The following RUNDC3B variants were observed in gnomAD, a reference collection of about 807,000 sequenced individuals.
The protein encoded by RUNDC3B is RUN domain containing 3B, also known as RUN domain-containing protein 3B.
RUNDC3B carries 33 observed loss-of-function variants against 58.4 expected under a neutral mutation model. The observed-to-expected ratio is 0.56, with a 90% CI of 0.43 to 0.75. RUNDC3B has a LOEUF of 0.75. RUNDC3B is among the 30% of genes least tolerant of loss of function. RUNDC3B has a pLI of 0.00. For missense variants in RUNDC3B, 501 were observed against 535.7 expected, an observed-to-expected ratio of 0.94 and a Z score of 0.64; for synonymous variants, 193 against 195.2, an observed-to-expected ratio of 0.99 and a Z score of 0.10.
At chr7:87,702,648 A>G (rs1829197251) in intron 3 of RUNDC3B, among the ~76,000 whole-genome samples, 1 of 152,166 alleles carries the variant, frequency 6.6e-6, no homozygotes, top group Non-Finnish European at 1.5e-5. Flanking sequence ...TTTGGTAGAT[A>G]TAGCCTACAT....
At chr7:87,761,126 G>A (rs1229739342) in intron 6 of RUNDC3B, among the ~76,000 whole-genome samples, 1 of 151,700 alleles carries the variant, frequency 6.6e-6, no homozygotes, top group Non-Finnish European at 1.5e-5. Context: ...CTACAACTTG[G>A]CAACACAAAT....
chr7:87,823,929 T>TA (rs1837651392), intron 10 of RUNDC3B, among the ~76,000 whole-genome samples: 1 of 151,950 alleles, frequency 6.6e-6, no homozygotes, highest in South Asian at 2.1e-4. Flanking sequence ...AAACTAATTT[T>TA]AAAAAATCAC....
chr7:87,741,007 C>T (rs895403555), intron 5 of RUNDC3B, among the ~76,000 whole-genome samples: 1 of 152,026 alleles, frequency 6.6e-6, no homozygotes, highest in African/African-American at 2.4e-5. Context: ...GAGTTCAAGA[C>T]CAGCCTGGCC....
At chr7:87,701,526 C>T (rs964153763) in intron 3 of RUNDC3B, among the ~76,000 whole-genome samples, 12 of 152,130 alleles carry the variant, frequency 7.9e-5, no homozygotes, top group African/African-American at 2.2e-4. Flanking sequence ...ATGATCAGTT[C>T]GTGGAATTAC....
intron 4 of RUNDC3B, among the ~76,000 whole-genome samples, chr7:87,738,608 C>T (rs113623968): frequency 1.1e-4 from 17 of 151,798 alleles, no homozygotes; most frequent in Middle Eastern, 3.4e-3. Flanking sequence ...TTTTGTTTTA[C>T]GAAACGTAGA....
At chr7:87,736,452 A>G (rs1420730956) in intron 4 of RUNDC3B, among the ~76,000 whole-genome samples, 3 of 152,122 alleles carry the variant, frequency 2.0e-5, no homozygotes, top group Admixed American at 6.5e-5. Flanking sequence ...GTTAAATTAT[A>G]TGTGGTAAAA....
chr7:87,639,065 T>C (rs1822153216), intron 1 of RUNDC3B, among the ~76,000 whole-genome samples: 1 of 140,976 alleles, frequency 7.1e-6, no homozygotes, highest in Non-Finnish European at 1.5e-5. Flanking sequence ...GGCAGGAGAA[T>C]GGTGTAAACC....
At chr7:87,661,053 T>G (rs1824655432) in intron 2 of RUNDC3B, among the ~76,000 whole-genome samples, 1 of 151,976 alleles carries the variant, frequency 6.6e-6, no homozygotes, top group African/African-American at 2.4e-5. Flanking sequence ...GTTATTTACA[T>G]TTTTTGGCTT....
intron 3 of RUNDC3B, among the ~76,000 whole-genome samples, chr7:87,710,119 A>G (rs1262801604): frequency 2.0e-5 from 3 of 152,144 alleles, no homozygotes; most frequent in Non-Finnish European, 2.9e-5. Flanking sequence ...CTCCCACTGA[A>G]AGGATAGGAT....
At chr7:87,723,858 G>A (rs1370907267) in intron 4 of RUNDC3B, among the ~76,000 whole-genome samples, 8 of 152,098 alleles carry the variant, frequency 5.3e-5, no homozygotes, top group Non-Finnish European at 7.4e-5. Context: ...TTGGAATATA[G>A]GAAAAATGTC....
chr7:87,778,433 ACT>A (rs1448515094), intron 8 of RUNDC3B, among the ~76,000 whole-genome samples: 2 of 146,678 alleles, frequency 1.4e-5, no homozygotes, highest in Non-Finnish European at 3.0e-5. Context: ...ACAGAGCAAA[ACT>A]CTGTCAAAAA....
At chr7:87,710,056 T>G (rs1418372944) in intron 3 of RUNDC3B, among the ~76,000 whole-genome samples, 1 of 152,154 alleles carries the variant, frequency 6.6e-6, no homozygotes, top group Non-Finnish European at 1.5e-5. Context: ...AGCTCATGAT[T>G]TGGATTCATT....
At chr7:87,669,413 C>G (rs1157941914) in intron 2 of RUNDC3B, among the ~76,000 whole-genome samples, 1 of 152,084 alleles carries the variant, frequency 6.6e-6, no homozygotes, top group Non-Finnish European at 1.5e-5. Context: ...ACCATTGGGT[C>G]TTGCTTTTTT....
chr7:87,689,100 G>A (rs1035451630), intron 2 of RUNDC3B, among the ~76,000 whole-genome samples: 1 of 151,886 alleles, frequency 6.6e-6, no homozygotes, highest in East Asian at 1.9e-4. Flanking sequence ...TGGCTTCTGG[G>A]GAAGGGGGAT....
chr7:87,827,082 C>T (rs999488613), intron 10 of RUNDC3B, among the ~76,000 whole-genome samples: 1 of 151,908 alleles, frequency 6.6e-6, no homozygotes, highest in South Asian at 2.1e-4. Flanking sequence ...CAACATATAC[C>T]AAGGAGAGAA....
intron 6 of RUNDC3B, among the ~76,000 whole-genome samples, chr7:87,760,988 C>A (rs1156811544): frequency 1.3e-5 from 2 of 151,762 alleles, no homozygotes; most frequent in African/African-American, 2.4e-5. Flanking sequence ...TGGACTTCAT[C>A]AAAATTTAAA....
At chr7:87,795,788 C>T (rs1835787667) in intron 8 of RUNDC3B, among the ~76,000 whole-genome samples, 1 of 151,560 alleles carries the variant, frequency 6.6e-6, no homozygotes, top group South Asian at 2.1e-4. Flanking sequence ...ACTCGGGAGG[C>T]TGAGGTAGGG....
At chr7:87,715,473 TTAA>T (rs199704465) in intron 4 of RUNDC3B, among the ~76,000 whole-genome samples, 6,051 of 134,142 alleles carry the variant, frequency 0.045, 239 homozygotes, top group East Asian at 0.087. Context: ...TTAATTTATA[TTAA>T]TATATAAATA....
At chr7:87,770,536 T>C (rs761208883) in intron 6 of RUNDC3B, 45 bp from the exon 7 acceptor site, 30 of 1,483,106 alleles carry the variant, frequency 2.0e-5, no homozygotes, top group Non-Finnish European at 2.5e-5. Flanking sequence ...AAGAATCAAG[T>C]TGGAACATAT....
Sources: gnomAD v4.1 joint callset for allele counts (sites outside exome capture counted in the v4.1 genomes callset) on GRCh38, gnomAD v4.1.1 for gene constraint, MANE v1.5 for transcripts, NCBI Gene and HGNC (gene_info 2026-07-23, HGNC 2026-07-21) for gene names.